GRM5: variants seen among roughly 807,000 people sequenced by gnomAD.
GRM5 encodes the protein metabotropic glutamate receptor 5.
In GRM5, 19 loss-of-function variants were observed where a neutral mutation model predicts 83.1. The ratio of observed to expected loss-of-function variants is 0.23; its 90% CI spans 0.16 to 0.34. The LOEUF is 0.34. Among genes scored for constraint, GRM5 ranks in the 10% least tolerant of loss-of-function variants. The pLI is 1.00. For missense variants in GRM5, 1,160 were observed against 1,588.3 expected (o/e 0.73, Z 4.58); for synonymous variants, 675 against 633.6 (o/e 1.07, Z -0.98).
At chr11:88,799,472 G>A (rs1470251869) in intron 3 of GRM5, among the ~76,000 whole-genome samples, 1 of 152,060 alleles carries the variant, frequency 6.6e-6, no homozygotes, top group Non-Finnish European at 1.5e-5. Context: ...GTATGTGAGT[G>A]CATGGAAATT....
intron 4 of GRM5, among the ~76,000 whole-genome samples, chr11:88,629,001 A>G (rs1788821002): frequency 6.6e-6 from 1 of 152,154 alleles, no homozygotes; most frequent in African/African-American, 2.4e-5. Context: ...TATTCTATCA[A>G]CTAATTCTAG....
intron 3 of GRM5, among the ~76,000 whole-genome samples, chr11:88,726,104 A>G (rs1223382183): frequency 6.6e-6 from 1 of 152,164 alleles, no homozygotes; most frequent in Non-Finnish European, 1.5e-5. Flanking sequence ...CTAAAGGAGC[A>G]TGTTCTAACC....
At chr11:88,590,306 C>A (rs1937615143) in intron 7 of GRM5, among the ~76,000 whole-genome samples, 1 of 152,074 alleles carries the variant, frequency 6.6e-6, no homozygotes, top group South Asian at 2.1e-4. Flanking sequence ...ATAACTGGGA[C>A]CCTATTTAGG....
At chr11:88,610,930 G>T (rs1269835352) in intron 4 of GRM5, among the ~76,000 whole-genome samples, 1 of 152,090 alleles carries the variant, frequency 6.6e-6, no homozygotes, top group African/African-American at 2.4e-5. Context: ...TAACATGAAG[G>T]GATATTGAAT....
chr11:88,744,190 G>C (rs558425812), intron 3 of GRM5, among the ~76,000 whole-genome samples: 12 of 152,108 alleles, frequency 7.9e-5, no homozygotes, highest in Admixed American at 6.6e-4. Flanking sequence ...CCAAATGAGA[G>C]CAATTTGATT....
At chr11:88,771,396 G>A (rs940894249) in intron 3 of GRM5, among the ~76,000 whole-genome samples, 11 of 152,182 alleles carry the variant, frequency 7.2e-5, no homozygotes, top group Non-Finnish European at 1.3e-4. Context: ...TTCATTCCAC[G>A]GCTGAAGGCC....
At chr11:88,868,511 G>T (rs1944709306) in intron 2 of GRM5, among the ~76,000 whole-genome samples, 1 of 151,616 alleles carries the variant, frequency 6.6e-6, no homozygotes. Context: ...ACATTTTTAT[G>T]AGTTCTTATT....
At chr11:88,979,942 CA>C (rs1347857513) in intron 2 of GRM5, among the ~76,000 whole-genome samples, 1 of 152,092 alleles carries the variant, frequency 6.6e-6, no homozygotes, top group Non-Finnish European at 1.5e-5. Flanking sequence ...TTGGCCTAAC[CA>C]GGGCAAAAAG....
At chr11:88,535,557 T>C (rs1942114355) in intron 8 of GRM5, among the ~76,000 whole-genome samples, 1 of 152,236 alleles carries the variant, frequency 6.6e-6, no homozygotes, top group South Asian at 2.1e-4. Flanking sequence ...GCCTTTTTAG[T>C]GTCAGAAATT....
chr11:88,794,646 G>A (rs1047387202), intron 3 of GRM5, among the ~76,000 whole-genome samples: 5 of 152,162 alleles, frequency 3.3e-5, no homozygotes, highest in Admixed American at 3.3e-4. Context: ...ATGGAGGTAA[G>A]TTTAATGGAA....
chr11:88,670,845 T>C (rs908792704), intron 3 of GRM5, among the ~76,000 whole-genome samples: 2 of 152,110 alleles, frequency 1.3e-5, no homozygotes, highest in African/African-American at 4.8e-5. Flanking sequence ...CAATCATTGA[T>C]TTTAAGAGCA....
intron 4 of GRM5, among the ~76,000 whole-genome samples, chr11:88,608,086 A>T (rs1047965217): frequency 1.3e-5 from 2 of 152,152 alleles, no homozygotes; most frequent in African/African-American, 4.8e-5. Flanking sequence ...GTTACATGCA[A>T]TTGAGACTCC....
intron 2 of GRM5, among the ~76,000 whole-genome samples, chr11:88,900,842 C>T (rs1190070247): frequency 2.0e-5 from 3 of 152,134 alleles, no homozygotes; most frequent in African/African-American, 7.2e-5. Context: ...GCCATTTAGC[C>T]CAGTCTTGTT....
intron 9 of GRM5, 44 bp from the exon 10 acceptor site, chr11:88,509,548 A>C (rs1372723743): frequency 2.0e-6 from 3 of 1,498,068 alleles, no homozygotes; most frequent in Non-Finnish European, 2.8e-6. Context: ...CGAGGTGCCC[A>C]GGGGGCTTGG....
chr11:88,554,086 A>G (rs896523651), intron 8 of GRM5, among the ~76,000 whole-genome samples: 2 of 152,130 alleles, frequency 1.3e-5, no homozygotes, highest in African/African-American at 4.8e-5. Context: ...TGGAGATCAG[A>G]AGGCTGAAAT....
At chr11:88,979,273 C>T (rs1939446965) in intron 2 of GRM5, among the ~76,000 whole-genome samples, 1 of 152,142 alleles carries the variant, frequency 6.6e-6, no homozygotes, top group South Asian at 2.1e-4. Flanking sequence ...TAACTAGTCT[C>T]ACTATCATGA....
chr11:88,600,290 C>CTCT (rs1428377848), intron 5 of GRM5, among the ~76,000 whole-genome samples: 6 of 146,866 alleles, frequency 4.1e-5, no homozygotes, highest in African/African-American at 1.5e-4. Flanking sequence ...CTCCCTCTCC[C>CTCT]CCACCCCTTC....
In GRM5 at chr11:88,505,166, G is replaced by T. The variant is rs1941150908; in HGVS notation, c.*3426C>A. 1 of 152,100 alleles carries T rather than the reference G, an allele frequency of 6.6e-6. No homozygotes were observed. Among genetic ancestry groups the T allele is most frequent in the Admixed American group, 6.6e-5 (1 of 15,256 alleles). The allele number at this position is 152,100 out of a possible 1,614,324, so 9.4% of individuals were successfully genotyped here. ...TCTGACTTGTCTTTATGCTTTCACT[G>T]ATCTGTATTTTTTCACAGTATAAAA... On this transcript the variant is annotated 3_prime_UTR_variant, in exon 10 of 10. Coordinates refer to ENST00000305447, the MANE Select transcript of GRM5 (RefSeq NM_001143831.3).
At chr11:89,055,408 C>A (rs1941851660) in intron 1 of GRM5, among the ~76,000 whole-genome samples, 1 of 152,202 alleles carries the variant, frequency 6.6e-6, no homozygotes, top group Non-Finnish European at 1.5e-5. Context: ...AGTGTTTGCT[C>A]TATCCTCCAA....
Sources: gnomAD v4.1 joint callset for allele counts (sites outside exome capture counted in the v4.1 genomes callset) on GRCh38, gnomAD v4.1.1 for gene constraint, MANE v1.5 for transcripts, NCBI Gene and HGNC (gene_info 2026-07-23, HGNC 2026-07-21) for gene names.